Variants in FERRY3 observed in about 807,000 individuals in gnomAD.
FERRY3 encodes the protein FERRY endosomal RAB5 effector complex subunit 3.
At chr12:4,501,674 A>C in the FERRY3 span, among the ~76,000 whole-genome samples, 1 of 152,208 alleles carries the variant, frequency 6.6e-6, no homozygotes, top group Non-Finnish European at 1.5e-5. Context: ...GGGATCATCC[A>C]GTTGCAGGAA....
the FERRY3 span, among the ~76,000 whole-genome samples, chr12:4,491,461 TA>T: frequency 6.6e-6 from 1 of 152,114 alleles, no homozygotes; most frequent in South Asian, 2.1e-4. Context: ...TAAATACAGT[TA>T]AAAAATATAT....
chr12:4,507,590 C>T, the FERRY3 span, among the ~76,000 whole-genome samples: 3 of 152,030 alleles, frequency 2.0e-5, no homozygotes, highest in Non-Finnish European at 4.4e-5. Flanking sequence ...TATTCATATG[C>T]AAGGTTATTT....
At chr12:4,498,735 G>C in the FERRY3 span, among the ~76,000 whole-genome samples, 8 of 152,194 alleles carry the variant, frequency 5.3e-5, no homozygotes, top group African/African-American at 1.9e-4. Context: ...GACTGGAGTT[G>C]GGGGTGAGGG....
the FERRY3 span, among the ~76,000 whole-genome samples, chr12:4,516,670 C>T: frequency 0.22 from 33,755 of 152,056 alleles, 6,431 homozygotes; most frequent in African/African-American, 0.52. Context: ...TCAGAACACA[C>T]GGACGCATTG....
At chr12:4,518,102 A>G in the FERRY3 span, 1 of 1,613,844 alleles carries the variant, frequency 6.2e-7, no homozygotes, top group Non-Finnish European at 8.5e-7. Context: ...ATCTACTAGT[A>G]AAACCAGGCC....
At chr12:4,525,768 G>A in the FERRY3 span, among the ~76,000 whole-genome samples, 6 of 152,148 alleles carry the variant, frequency 3.9e-5, no homozygotes, top group Non-Finnish European at 5.9e-5. Context: ...AGCCAATAAC[G>A]ATGATAGTGT....
chr12:4,518,354 G>T, the FERRY3 span: 2 of 1,079,870 alleles, frequency 1.9e-6, no homozygotes, highest in Non-Finnish European at 2.7e-6. Flanking sequence ...AGATAAATCT[G>T]TACCACAAAA....
chr12:4,533,603 C>A, the FERRY3 span, among the ~76,000 whole-genome samples: 1 of 152,076 alleles, frequency 6.6e-6, no homozygotes, highest in East Asian at 1.9e-4. Context: ...TTGTGATATA[C>A]CTAATGGCAT....
the FERRY3 span, among the ~76,000 whole-genome samples, chr12:4,507,799 A>C: frequency 6.6e-6 from 1 of 152,206 alleles, no homozygotes; most frequent in African/African-American, 2.4e-5. Context: ...AGAGTACAGA[A>C]TAGTGTTATG....
the FERRY3 span, chr12:4,536,248 C>T: frequency 1.6e-6 from 2 of 1,247,164 alleles, no homozygotes; most frequent in Non-Finnish European, 2.2e-6. Context: ...GTTATAAGTC[C>T]ATAAAGAAAT....
the FERRY3 span, among the ~76,000 whole-genome samples, chr12:4,516,065 C>T: frequency 4.0e-5 from 6 of 151,576 alleles, no homozygotes; most frequent in African/African-American, 1.2e-4. Flanking sequence ...TTTAAAAGAA[C>T]CAAAAATAAT....
At chr12:4,526,252 C>A in the FERRY3 span, among the ~76,000 whole-genome samples, 1 of 152,234 alleles carries the variant, frequency 6.6e-6, no homozygotes, top group South Asian at 2.1e-4. Context: ...TGAAAGAGGA[C>A]TCTGTAATGC....
chr12:4,528,043 C>A, the FERRY3 span, among the ~76,000 whole-genome samples: 1 of 151,994 alleles, frequency 6.6e-6, no homozygotes, highest in Admixed American at 6.6e-5. Context: ...CTATTAATGG[C>A]TAGATATATA....
chr12:4,528,426 T>G, the FERRY3 span, among the ~76,000 whole-genome samples: 1 of 152,168 alleles, frequency 6.6e-6, no homozygotes, highest in African/African-American at 2.4e-5. Context: ...AAATTTTGTC[T>G]TCCCCAGGGA....
the FERRY3 span, chr12:4,502,311 C>A: frequency 2.5e-6 from 1 of 400,710 alleles, no homozygotes; most frequent in South Asian, 1.9e-5. The surrounding 1 kb of genome is among the most constrained non-coding windows in gnomAD (Gnocchi z 4.2). Flanking sequence ...AGAACAGCAC[C>A]TGGCACGTAG....
At chr12:4,517,712 G>C in the FERRY3 span, among the ~76,000 whole-genome samples, 3 of 102,264 alleles carry the variant, frequency 2.9e-5, no homozygotes, top group African/African-American at 5.0e-5. Flanking sequence ...TATATAGACA[G>C]AGAGAGAGAG....
chr12:4,528,896 T>TACACAC, the FERRY3 span, among the ~76,000 whole-genome samples: 373 of 131,596 alleles, frequency 2.8e-3, 3 homozygotes, highest in South Asian at 6.0e-3. Flanking sequence ...TTAAATCAGT[T>TACACAC]ACACACACAC....
the FERRY3 span, among the ~76,000 whole-genome samples, chr12:4,514,723 T>C: frequency 7.7e-6 from 1 of 129,202 alleles, no homozygotes; most frequent in Admixed American, 9.5e-5. Context: ...GGAAGGGGAA[T>C]ATCACACTCT....
the FERRY3 span, chr12:4,536,175 C>G: frequency 6.3e-7 from 1 of 1,589,400 alleles, no homozygotes; most frequent in Non-Finnish European, 8.6e-7. Context: ...ATTGCAGAAT[C>G]TTTCTCTGTT....
Sources: allele counts gnomAD v4.1 joint callset (sites outside exome capture counted in the v4.1 genomes callset), GRCh38; gene constraint gnomAD v4.1.1; non-coding constraint Gnocchi (gnomAD v3.1); transcripts MANE v1.5; gene names NCBI Gene and HGNC (gene_info 2026-07-23, HGNC 2026-07-21).